RNF20: variants seen among roughly 807,000 people sequenced by gnomAD.
RNF20 encodes the protein E3 ubiquitin-protein ligase BRE1A.
Under a neutral mutation model 126.2 loss-of-function variants are expected in RNF20, and 84 were observed. The observed-to-expected ratio is 0.67, with a 90% CI of 0.56 to 0.80. The LOEUF is 0.80. RNF20 is among the 30% of genes least tolerant of loss of function. The pLI is 0.00. For synonymous variants in RNF20, 400 were observed against 414.3 expected (o/e 0.97, Z 0.42); for missense variants, 869 against 1,188.2 (o/e 0.73, Z 3.95).
intron 12 of RNF20, 60 bp downstream of exon 12, chr9:101,552,322 A>G: frequency 1.2e-6 from 2 of 1,612,674 alleles, no homozygotes; most frequent in Non-Finnish European, 1.7e-6. Context: ...CTGCTTTTGA[A>G]TGAGGTCGGC....
intron 5 of RNF20, among the ~76,000 whole-genome samples, chr9:101,543,290 A>G (rs868437960): frequency 8.6e-5 from 13 of 151,998 alleles, no homozygotes; most frequent in African/African-American, 3.1e-4. Flanking sequence ...GTACTGTCTA[A>G]CCGTGCCAGG....
chr9:101,553,772 G>C (rs1012863091), intron 13 of RNF20, among the ~76,000 whole-genome samples: 1 of 152,130 alleles, frequency 6.6e-6, no homozygotes, highest in African/African-American at 2.4e-5. Context: ...ACTTTGAAGG[G>C]AGAAATGATT....
chr9:101,540,127 T>C (rs941005411), intron 2 of RNF20, 76 bp from the exon 3 acceptor site: 16 of 1,351,270 alleles, frequency 1.2e-5, no homozygotes, highest in Non-Finnish European at 1.6e-5. Flanking sequence ...TAATGAATAA[T>C]TGTGACCTTG....
intron 5 of RNF20, among the ~76,000 whole-genome samples, chr9:101,543,372 G>GCGGCACTGTCTAACCTGCCAGA (rs1564107989): frequency 6.9e-6 from 1 of 144,544 alleles, no homozygotes; most frequent in East Asian, 2.1e-4. Context: ...ACCCTGCCAG[G>GCGGCACTGTCTAACCTGCCAGA]GCGGCACTGT....
Position 101,558,908 on chromosome 9 carries a change from G to A in RNF20, c.2382+1312G>A, listed in dbSNP as rs143422660. ...TGCAGAAGCTTTTTCGTTTAATTAA[G>A]TTTCATCTATTTATCATTTCTTTTG... On this transcript the variant is annotated intron_variant, in intron 16 of 19. Transcript: ENST00000389120. Among the ~76,000 whole-genome samples, 6 of 152,128 alleles carry A rather than the reference G, an allele frequency of 3.9e-5. No homozygotes were observed. The East Asian group carries it at 1.2e-3, about 29-fold the overall frequency.
chr9:101,559,747 A>G (rs1827596634), intron 16 of RNF20, among the ~76,000 whole-genome samples: 1 of 152,118 alleles, frequency 6.6e-6, no homozygotes, highest in South Asian at 2.1e-4. Flanking sequence ...GTGTACATTA[A>G]TTTTGTATAG....
rs548310546 is a variant in RNF20, at chr9:101,550,636, G to A, written c.1123G>A (p.Val375Ile). The change falls in exon 10 of 20, where the codon GTT becomes ATT. Residue 375 changes from valine (V) to isoleucine (I), a missense_variant. Around this residue, in one of 8 missense-constraint regions of RNF20, gnomAD observed 153 missense variants for 226.4 expected, o/e 0.68. Coordinates refer to ENST00000389120, the MANE Select transcript of RNF20 (RefSeq NM_019592.7). ...ATTGCGGAGTGCAGTGGAGCAAGTC[G>A]TTAAGGAAACTCCAGAATATCGCTG... ...VELRSAVEQV[V>I]KETPEYRCMQ... 4.5e-5 allele frequency: 73 copies of A among 1,614,120 alleles called. No homozygotes were observed. Among genetic ancestry groups the A allele is most frequent in the South Asian group, 8.8e-5 (8 of 91,078 alleles).
At chr9:101,541,897 T>C (rs545794214) in intron 5 of RNF20, among the ~76,000 whole-genome samples, 4 of 152,324 alleles carry the variant, frequency 2.6e-5, no homozygotes, top group South Asian at 2.1e-4. Context: ...TTTAAATTTG[T>C]ACAGTAAAGT....
At chr9:101,541,014 G>A in intron 5 of RNF20, 39 bp downstream of exon 5, 1 of 1,516,030 alleles carries the variant, frequency 6.6e-7, no homozygotes, top group Non-Finnish European at 9.0e-7. Flanking sequence ...AGTGGAGGAG[G>A]AATAAGAATT....
chr9:101,557,621 T>C (rs761551334), intron 16 of RNF20, 25 bp downstream of exon 16: 1 of 1,539,608 alleles, frequency 6.5e-7, no homozygotes, highest in Non-Finnish European at 9.0e-7. Flanking sequence ...TAGAGCTTTC[T>C]ATTCTGTTGA....
At chr9:101,539,809 G>A (rs943080279) in intron 2 of RNF20, among the ~76,000 whole-genome samples, 3 of 152,078 alleles carry the variant, frequency 2.0e-5, no homozygotes, top group African/African-American at 7.2e-5. Context: ...CAGATATATT[G>A]GCAGGAACTG....
chr9:101,549,513 G>A (rs895070523), intron 9 of RNF20, among the ~76,000 whole-genome samples: 20 of 152,126 alleles, frequency 1.3e-4, no homozygotes, highest in African/African-American at 4.8e-4. Context: ...CGGCGGACGA[G>A]CCTGACTAAT....
intron 2 of RNF20, among the ~76,000 whole-genome samples, chr9:101,539,751 T>C (rs1259375217): frequency 6.6e-6 from 1 of 152,136 alleles, no homozygotes. Context: ...ACTGACAGCC[T>C]AGATGCTAGA....
chr9:101,549,460 G>A (rs1381980638), intron 9 of RNF20, among the ~76,000 whole-genome samples: 1 of 152,142 alleles, frequency 6.6e-6, no homozygotes, highest in Non-Finnish European at 1.5e-5. Context: ...ACATGAAGGC[G>A]GCCTAGGAGC....
At chr9:101,544,917 C>T (rs1277308511) in intron 6 of RNF20, 32 bp downstream of exon 6, 1 of 1,330,468 alleles carries the variant, frequency 7.5e-7, no homozygotes, top group East Asian at 2.3e-5. Context: ...ATGGCTGTGT[C>T]TAGTGGGCTG....
At chr9:101,541,652 T>C (rs1827261747) in intron 5 of RNF20, among the ~76,000 whole-genome samples, 1 of 152,224 alleles carries the variant, frequency 6.6e-6, no homozygotes. Flanking sequence ...TTATTTTAAA[T>C]AACAACTATA....
chr9:101,547,286 T>G, intron 8 of RNF20, 72 bp downstream of exon 8: 1 of 1,600,078 alleles, frequency 6.2e-7, no homozygotes, highest in Non-Finnish European at 8.6e-7. Context: ...AGGACTGTGT[T>G]CACAAGTGAC....
intron 19 of RNF20, 108 bp from the exon 20 acceptor site, chr9:101,562,138 T>C (rs1207878111): frequency 7.4e-7 from 1 of 1,346,852 alleles, no homozygotes; most frequent in East Asian, 2.3e-5. Context: ...GAAATGATGC[T>C]CTTTTTTTAG....
intron 13 of RNF20, among the ~76,000 whole-genome samples, chr9:101,553,459 T>G (rs1386740707): frequency 6.6e-6 from 1 of 152,242 alleles, no homozygotes; most frequent in Non-Finnish European, 1.5e-5. Flanking sequence ...AGTAATTTAA[T>G]AAGAGGTGAA....
Sources: allele counts gnomAD v4.1 joint callset (sites outside exome capture counted in the v4.1 genomes callset), GRCh38; gene constraint gnomAD v4.1.1; regional missense constraint gnomAD v4.1.1; transcripts MANE v1.5; gene names NCBI Gene and HGNC (gene_info 2026-07-23, HGNC 2026-07-21).